The following NOL4L variants were observed in gnomAD, a reference collection of about 807,000 sequenced individuals.
The protein encoded by NOL4L is nucleolar protein 4-like.
A neutral mutation model predicts 64.5 loss-of-function variants in NOL4L; 7 were observed. The ratio of observed to expected loss-of-function variants is 0.11; its 90% confidence interval spans 0.06 to 0.20. NOL4L has a LOEUF of 0.20. Ranked by LOEUF, NOL4L falls within the 10% of genes least tolerant of loss-of-function variation. NOL4L has a pLI of 1.00. For synonymous variants in NOL4L, 413 were observed against 401.0 expected (o/e 1.03, Z -0.36); for missense variants, 680 against 967.1 (o/e 0.70, Z 3.94).
intron 1 of NOL4L, 62 bp downstream of exon 1, chr20:32,584,508 C>T: frequency 2.9e-6 from 3 of 1,024,942 alleles, no homozygotes; most frequent in Non-Finnish European, 3.9e-6. Flanking sequence ...CCACCCCGCC[C>T]CCGCCCGCCT....
chr20:32,452,599 T>TC (rs907646364), intron 9 of NOL4L, among the ~76,000 whole-genome samples, 162 bp from the exon 10 acceptor site: 5 of 151,856 alleles, frequency 3.3e-5, no homozygotes, highest in African/African-American at 1.2e-4. Flanking sequence ...CCAGCCACCT[T>TC]CCCCCCGGGG....
chr20:32,545,195 C>T (rs1335028709), intron 1 of NOL4L, among the ~76,000 whole-genome samples: 1 of 152,152 alleles, frequency 6.6e-6, no homozygotes, highest in East Asian at 1.9e-4. Context: ...ATTGCTTGAG[C>T]CCAGGAGTTT....
chr20:32,472,217 T>C (rs770407374), intron 5 of NOL4L, among the ~76,000 whole-genome samples: 2 of 152,242 alleles, frequency 1.3e-5, no homozygotes, highest in Non-Finnish European at 2.9e-5. Flanking sequence ...CGTTTGTTCA[T>C]TCGGGGATAA....
At chr20:32,513,183 T>A (rs1378393684) in intron 3 of NOL4L, among the ~76,000 whole-genome samples, 1 of 152,090 alleles carries the variant, frequency 6.6e-6, no homozygotes, top group Non-Finnish European at 1.5e-5. Context: ...AAGTGCCCTC[T>A]ACCATCACAA....
At chr20:32,484,497 C>T (rs1246758647) in intron 4 of NOL4L, among the ~76,000 whole-genome samples, 1 of 152,042 alleles carries the variant, frequency 6.6e-6, no homozygotes, top group Non-Finnish European at 1.5e-5. Context: ...CTCCTCCCCG[C>T]CCCCCGCGGG....
intron 3 of NOL4L, among the ~76,000 whole-genome samples, chr20:32,515,658 A>G (rs927709853): frequency 8.5e-5 from 13 of 152,108 alleles, no homozygotes; most frequent in Admixed American, 2.6e-4. Flanking sequence ...AACAAGGAAG[A>G]AGTGGGTTCC....
chr20:32,548,914 A>G (rs1426997555), intron 1 of NOL4L: 1 of 404,290 alleles, frequency 2.5e-6, no homozygotes, highest in East Asian at 8.0e-5. Flanking sequence ...AAAGTTCTTT[A>G]TGTTCTAACA....
At chr20:32,485,817 A>G in intron 4 of NOL4L, 1 of 468,738 alleles carries the variant, frequency 2.1e-6, no homozygotes, top group Non-Finnish European at 4.4e-6. Flanking sequence ...CCACATTTTC[A>G]GAGACCTTTG....
At chr20:32,492,311 G>A (rs1170450932) in intron 4 of NOL4L, among the ~76,000 whole-genome samples, 3 of 152,238 alleles carry the variant, frequency 2.0e-5, no homozygotes, top group East Asian at 1.9e-4. Context: ...ACTTATGCTT[G>A]TGAGCAAACG....
At chr20:32,555,173 C>T (rs560383277) in intron 1 of NOL4L, among the ~76,000 whole-genome samples, 4 of 152,260 alleles carry the variant, frequency 2.6e-5, no homozygotes, top group East Asian at 3.9e-4. Flanking sequence ...CCTGGTGTTA[C>T]GTTAACTTCT....
chr20:32,476,354 T>C (rs1324847247), intron 4 of NOL4L, among the ~76,000 whole-genome samples: 2 of 152,196 alleles, frequency 1.3e-5, no homozygotes, highest in African/African-American at 2.4e-5. Flanking sequence ...GGAAGGTTCC[T>C]TGGAGCCTTG....
At chr20:32,543,941 T>G (rs1002570604) in intron 1 of NOL4L, among the ~76,000 whole-genome samples, 2 of 152,168 alleles carry the variant, frequency 1.3e-5, no homozygotes, top group African/African-American at 4.8e-5. Flanking sequence ...TTAAGTCACC[T>G]CTGAAGGCCA....
chr20:32,557,793 G>A (rs61433383), intron 1 of NOL4L, among the ~76,000 whole-genome samples: 6,432 of 152,246 alleles, frequency 0.042, 283 homozygotes, highest in African/African-American at 0.11. Flanking sequence ...AGCCAGGCGC[G>A]GTGGCTCATG....
In NOL4L at chr20:32,509,895, T is replaced by C. The variant is rs1408389122; in HGVS notation, c.699+1452A>G. Reference sequence around the variant, plus strand: ...TCTTCATGGGCACAGATGAGCACGGTGATAACAGTGTTTACGAAGCCAGGT... The same window carrying C: ...TCTTCATGGGCACAGATGAGCACGGCGATAACAGTGTTTACGAAGCCAGGT... On this transcript the variant is annotated intron_variant, in intron 4 of 10. Transcript: ENST00000621426. 3 of 1,304,088 alleles carry C rather than the reference T, an allele frequency of 2.3e-6. No individual in the cohort carries two copies. In the Admixed American group the frequency reaches 6.9e-5, roughly 30 times the overall value. 80.8% of individuals were successfully genotyped at this position (1,304,088 alleles called of 1,614,324 possible). A position where few individuals can be genotyped will look rare whatever the true frequency, so the allele number is the denominator to read the frequency against.
rs556842123 is a variant in NOL4L at position 32,460,270 on chromosome 20, A to G, written c.842-3875T>C. ...TAGTTTATAGGCTCTATCTGCCATT[A>G]TCTCATTTTCTCATGCCGCACACAC... is the stretch of plus-strand genomic sequence containing the variant. On this transcript the variant is annotated intron_variant, in intron 5 of 10. Transcript: ENST00000621426. This position sits in a 1 kb window ranked among gnomAD's most constrained non-coding sequence, Gnocchi z 5.7. Among the ~76,000 whole-genome samples the G allele has an allele frequency of 9.9e-5, 15 of 152,280 alleles. No individual in the cohort carries two copies. Among genetic ancestry groups the G allele is most frequent in the African/African-American group, 3.1e-4 (13 of 41,556 alleles).
intron 1 of NOL4L, among the ~76,000 whole-genome samples, chr20:32,578,089 C>T (rs147811592): frequency 5.1e-5 from 6 of 117,262 alleles, no homozygotes; most frequent in East Asian, 3.0e-4. Flanking sequence ...GCCAATATTG[C>T]GTCAAAAAAG....
chr20:32,502,816 C>T (rs749020201), intron 4 of NOL4L, among the ~76,000 whole-genome samples: 8 of 152,162 alleles, frequency 5.3e-5, no homozygotes, highest in Middle Eastern at 6.8e-3. Context: ...GAGGCTGAGG[C>T]AGGAGAATCT....
At chr20:32,579,164 C>T (rs981186058) in intron 1 of NOL4L, among the ~76,000 whole-genome samples, 8 of 152,200 alleles carry the variant, frequency 5.3e-5, no homozygotes, top group African/African-American at 1.7e-4. Flanking sequence ...CAGTCACACC[C>T]GCAGCTGCCA....
intron 5 of NOL4L, among the ~76,000 whole-genome samples, chr20:32,468,641 C>A (rs1218110399): frequency 6.6e-6 from 1 of 152,188 alleles, no homozygotes; most frequent in Non-Finnish European, 1.5e-5. Flanking sequence ...TGGCTCACGC[C>A]TGTAATCCCT....
Sources: allele counts gnomAD v4.1 joint callset (sites outside exome capture counted in the v4.1 genomes callset), GRCh38; gene constraint gnomAD v4.1.1; non-coding constraint Gnocchi (gnomAD v3.1); transcripts MANE v1.5; gene names NCBI Gene and HGNC (gene_info 2026-07-23, HGNC 2026-07-21).